TNR: variants seen among roughly 807,000 people sequenced by gnomAD.
TNR encodes tenascin R, also known as tenascin-R.
TNR carries 45 observed loss-of-function variants against 150.4 expected under a neutral mutation model. The observed-to-expected ratio is 0.30, with a 90% CI of 0.24 to 0.38. The LOEUF is 0.38. TNR is among the 10% of genes least tolerant of loss of function. The probability of loss-of-function intolerance (pLI) is 1.00; values close to 1 mark genes in which losing one functional copy is unlikely to be tolerated. For synonymous variants in TNR, 687 were observed against 678.4 expected, an observed-to-expected ratio of 1.01 and a Z score of -0.20; for missense variants, 1,544 against 1,759.1, an observed-to-expected ratio of 0.88 and a Z score of 2.19.
chr1:175,409,511 A>G (rs892436322), intron 2 of TNR, among the ~76,000 whole-genome samples: 2 of 152,240 alleles, frequency 1.3e-5, no homozygotes, highest in Non-Finnish European at 2.9e-5. Context: ...ACTTTAGTCG[A>G]TAACTAAACT....
At chr1:175,583,956 G>A (rs965387788) in intron 1 of TNR, among the ~76,000 whole-genome samples, 40 of 152,340 alleles carry the variant, frequency 2.6e-4, no homozygotes, top group African/African-American at 8.9e-4. Context: ...GGGAAGCCAA[G>A]GAGTGTGGGG....
At chr1:175,331,062 T>TTTCTTTCCTTCCTTCCTTCC (rs1557867836) in intron 20 of TNR, among the ~76,000 whole-genome samples, 1 of 124,000 alleles carries the variant, frequency 8.1e-6, no homozygotes, top group African/African-American at 3.5e-5. Flanking sequence ...TCTTTCTTTC[T>TTTCTTTCCTTCCTTCCTTCC]TTCTTTCTTT....
chr1:175,464,830 G>A lies in TNR; in HGVS notation c.-63-58053C>T, dbSNP rs534510460. Among the ~76,000 whole-genome samples, 4 of 152,134 alleles carry A rather than the reference G, an allele frequency of 2.6e-5. No individual in the cohort carries two copies. The East Asian group carries it at 5.8e-4, about 22-fold the overall frequency. On this transcript the variant is annotated intron_variant, in intron 2 of 22. Transcript: ENST00000367674. The stretch of plus-strand genomic sequence containing the variant: ...TATTTATTTATTTATTTATTTCCTG[G>A]TCTAGTACCCTGGAGGGGACACTGA...
At chr1:175,357,428 G>T (rs1298262704) in intron 15 of TNR, among the ~76,000 whole-genome samples, 1 of 152,138 alleles carries the variant, frequency 6.6e-6, no homozygotes, top group Non-Finnish European at 1.5e-5. Flanking sequence ...GTTTCTTGTG[G>T]TCTAAAGGCA....
At chr1:175,427,509 A>G (rs1036562245) in intron 2 of TNR, among the ~76,000 whole-genome samples, 5 of 152,202 alleles carry the variant, frequency 3.3e-5, no homozygotes, top group African/African-American at 1.2e-4. Flanking sequence ...TTCAGTGCTC[A>G]ATGGTCCCAT....
chr1:175,466,979 G>A (rs1203177749), intron 2 of TNR, among the ~76,000 whole-genome samples: 1 of 152,128 alleles, frequency 6.6e-6, no homozygotes, highest in East Asian at 1.9e-4. Context: ...GGAGAAATGG[G>A]ACTTAACCCC....
At chr1:175,443,528 A>T (rs1211351115) in intron 2 of TNR, among the ~76,000 whole-genome samples, 2 of 152,140 alleles carry the variant, frequency 1.3e-5, no homozygotes, top group African/African-American at 2.4e-5. Flanking sequence ...ACTGTAGGGG[A>T]TACTGAAGCA....
Position 175,326,669 on chromosome 1 carries a change from T to G in TNR, c.3794-2150A>C, listed in dbSNP as rs113637578. Among the ~76,000 whole-genome samples the G allele has an allele frequency of 7.8e-3, 1,191 of 152,282 alleles. 13 individuals carry two copies. The highest frequency in any genetic ancestry group is 0.025 in the African/African-American group (1,045 of 41,562). On this transcript the variant is annotated intron_variant, in intron 21 of 22. Coordinates refer to ENST00000367674, the MANE Select transcript of TNR (RefSeq NM_003285.3). ...GCTTACTTTTTCCTTTTTCTTTTAT[T>G]TATTTATTTTTTTGGTGTGAGACAG...
intron 1 of TNR, among the ~76,000 whole-genome samples, chr1:175,563,287 G>A (rs543680104): frequency 6.6e-6 from 1 of 152,212 alleles, no homozygotes; most frequent in African/African-American, 2.4e-5. Context: ...ATGAACACAG[G>A]CTATGATTCA....
At chr1:175,527,522 A>T (rs1659892362) in intron 2 of TNR, among the ~76,000 whole-genome samples, 1 of 152,334 alleles carries the variant, frequency 6.6e-6, no homozygotes, top group African/African-American at 2.4e-5. Flanking sequence ...ACAAATACAG[A>T]GAGAAGACTG....
intron 1 of TNR, among the ~76,000 whole-genome samples, chr1:175,737,069 C>T (rs1210795276): frequency 2.0e-5 from 3 of 152,118 alleles, no homozygotes; most frequent in Non-Finnish European, 1.5e-5. Flanking sequence ...ACAACAACAA[C>T]ACAAAGTAGG....
intron 1 of TNR, among the ~76,000 whole-genome samples, chr1:175,586,267 C>A (rs1396393196): frequency 1.3e-5 from 2 of 152,160 alleles, no homozygotes; most frequent in Non-Finnish European, 2.9e-5. Flanking sequence ...ATGCCAGGTG[C>A]TCCAAACATA....
intron 2 of TNR, among the ~76,000 whole-genome samples, chr1:175,473,994 A>G (rs1657414266): frequency 6.6e-6 from 1 of 152,180 alleles, no homozygotes; most frequent in Non-Finnish European, 1.5e-5. Flanking sequence ...GCAGAGGGGT[A>G]TCATTTTAGG....
chr1:175,362,866 C>A, intron 13 of TNR, 57 bp from the exon 14 acceptor site: 5 of 1,606,808 alleles, frequency 3.1e-6, no homozygotes, highest in Non-Finnish European at 4.3e-6. Context: ...CCAAGCAGCC[C>A]ATGGTACAGT....
chr1:175,647,939 G>T (rs1664853903), intron 1 of TNR, among the ~76,000 whole-genome samples: 1 of 152,220 alleles, frequency 6.6e-6, no homozygotes, highest in Admixed American at 6.5e-5. Context: ...TCAAGTGCAG[G>T]TGGCAGGAGC....
Position 175,379,613 on chromosome 1 carries a change from C to T in TNR, c.1902G>A (p.Glu634=). 1 of 1,614,140 alleles carries T rather than the reference C, an allele frequency of 6.2e-7. No individual in the cohort carries two copies. Among genetic ancestry groups the T allele is most frequent in the Non-Finnish European group, 8.5e-7 (1 of 1,180,018 alleles). Residue 634 remains glutamate (E), a synonymous_variant, in exon 9 of 23, where the codon GAG becomes GAA. Coordinates refer to ENST00000367674, the MANE Select transcript of TNR (RefSeq NM_003285.3). ...TGGGGACCAGTACCTCATGATATTGCTCACCCGCCAGGGTGCTGTACACAA... is the reference window on the plus strand; with the variant it reads ...TGGGGACCAGTACCTCATGATATTGTTCACCCGCCAGGGTGCTGTACACAA... ...YKVVYSTLAG[E]QYHEVLVPRG...
chr1:175,466,185 T>C (rs1158138048), intron 2 of TNR, among the ~76,000 whole-genome samples: 1 of 152,250 alleles, frequency 6.6e-6, no homozygotes, highest in Non-Finnish European at 1.5e-5. Context: ...CCTCATTTTA[T>C]ACATATGGAA....
intron 2 of TNR, among the ~76,000 whole-genome samples, chr1:175,432,931 T>C (rs1197196370): frequency 2.0e-5 from 3 of 152,186 alleles, no homozygotes; most frequent in Non-Finnish European, 4.4e-5. Context: ...AAGTTGATTA[T>C]AATGTGGGAC....
chr1:175,519,692 G>T (rs557158083), intron 2 of TNR, among the ~76,000 whole-genome samples: 103 of 152,188 alleles, frequency 6.8e-4, no homozygotes, highest in Non-Finnish European at 1.1e-3. Context: ...CTCTACAGGG[G>T]TGCCCTGCTT....
Sources: allele counts gnomAD v4.1 joint callset (sites outside exome capture counted in the v4.1 genomes callset), GRCh38; gene constraint gnomAD v4.1.1; transcripts MANE v1.5; gene names NCBI Gene and HGNC (gene_info 2026-07-23, HGNC 2026-07-21).